CHN2: variants seen among roughly 807,000 people sequenced by gnomAD.
The protein encoded by CHN2 is chimerin 2.
Under a neutral mutation model 56.3 loss-of-function variants are expected in CHN2, and 35 were observed. The ratio of observed to expected loss-of-function variants is 0.62; its 90% CI spans 0.47 to 0.82. The LOEUF (loss-of-function observed/expected upper bound fraction) is 0.82, where lower values mean the gene tolerates loss of function less well. CHN2 is among the 40% of genes least tolerant of loss of function. CHN2 has a pLI of 0.00. For missense variants in CHN2, 491 were observed against 580.5 expected, an observed-to-expected ratio of 0.85 and a Z score of 1.58; for synonymous variants, 210 against 212.8, an observed-to-expected ratio of 0.99 and a Z score of 0.12.
At chr7:29,473,354 G>C (rs940406347) in intron 6 of CHN2, among the ~76,000 whole-genome samples, 2 of 152,050 alleles carry the variant, frequency 1.3e-5, no homozygotes, top group African/African-American at 4.8e-5. Context: ...TCAATTCTAA[G>C]AGCACATTAC....
chr7:29,227,560 C>T (rs767916531), intron 1 of CHN2, among the ~76,000 whole-genome samples: 2 of 152,130 alleles, frequency 1.3e-5, no homozygotes, highest in African/African-American at 2.4e-5. Context: ...GGGAAGATGA[C>T]CTCATTGGAA....
At chr7:29,427,552 C>T (rs534970685) in intron 6 of CHN2, among the ~76,000 whole-genome samples, 2 of 152,212 alleles carry the variant, frequency 1.3e-5, no homozygotes, top group East Asian at 3.9e-4. Context: ...TCTTTGGTAA[C>T]TGCATTTCTC....
chr7:29,156,684 G>C (rs1268826810), intron 2 of CHN2, among the ~76,000 whole-genome samples: 1 of 152,108 alleles, frequency 6.6e-6, no homozygotes, highest in African/African-American at 2.4e-5. Flanking sequence ...TTTTGACCAA[G>C]GAGCTTTATG....
chr7:29,487,503 T>A (rs1362011981), intron 7 of CHN2, among the ~76,000 whole-genome samples: 1 of 152,174 alleles, frequency 6.6e-6, no homozygotes, highest in Admixed American at 6.5e-5. Flanking sequence ...TCAAGTAATA[T>A]AACCCCTGGA....
intron 6 of CHN2, among the ~76,000 whole-genome samples, chr7:29,456,237 CT>C (rs1354124348): frequency 1.3e-5 from 2 of 152,202 alleles, no homozygotes; most frequent in South Asian, 2.1e-4. Context: ...CACCCTGCCC[CT>C]GGAACACTTT....
intron 2 of CHN2, among the ~76,000 whole-genome samples, chr7:29,183,813 C>A (rs982383861): frequency 6.6e-6 from 1 of 152,066 alleles, no homozygotes; most frequent in Non-Finnish European, 1.5e-5. Context: ...CATATGCAGT[C>A]AGCTCTCTAT....
At position 29,500,015 on chromosome 7, in the gene CHN2, A is replaced by G. The variant is rs1347133527; in HGVS notation, c.888A>G (p.Ile296Met). 6.4e-7 allele frequency: 1 copy of G among 1,559,156 alleles called. No individual in the cohort carries two copies. The highest frequency in any genetic ancestry group is 2.3e-5 in the East Asian group (1 of 43,770). Residue 296 changes from isoleucine to methionine, a missense_variant, in exon 9 of 13, where the codon ATA becomes ATG. By Grantham distance (10) the Ile-to-Met change is conservative (BLOSUM62 1). Transcript: ENST00000222792. ...HNTQRPMVVD[I>M]CIREIEARGL... The stretch of plus-strand genomic sequence containing the variant: ...CTCAGAGACCCATGGTGGTAGACAT[A>G]TGCATTCGGGAAATTGAAGCAAGAG...
chr7:29,206,290 T>A (rs769301687), intron 1 of CHN2, among the ~76,000 whole-genome samples: 1 of 151,974 alleles, frequency 6.6e-6, no homozygotes, highest in Non-Finnish European at 1.5e-5. Flanking sequence ...AGAAAAAAAT[T>A]TTTTTCCCCC....
chr7:29,212,560 G>T, intron 1 of CHN2: 1 of 1,457,260 alleles, frequency 6.9e-7, no homozygotes. Flanking sequence ...CCCCAAAAAA[G>T]GGAGACGAGG....
chr7:29,305,144 G>A (rs1794040542), intron 1 of CHN2, among the ~76,000 whole-genome samples: 1 of 152,186 alleles, frequency 6.6e-6, no homozygotes. Context: ...TGCCTGCACA[G>A]AGGATACGAC....
At chr7:29,152,291 G>C (rs1032958063) in intron 2 of CHN2, among the ~76,000 whole-genome samples, 1 of 152,126 alleles carries the variant, frequency 6.6e-6, no homozygotes, top group African/African-American at 2.4e-5. Context: ...CTTCTTGCTG[G>C]GTTAACTGCT....
At chr7:29,218,283 G>C (rs1357470244) in intron 1 of CHN2, among the ~76,000 whole-genome samples, 1 of 151,026 alleles carries the variant, frequency 6.6e-6, no homozygotes, top group Admixed American at 6.6e-5. Flanking sequence ...GCCTCGTGAA[G>C]GTAGGCATGT....
intron 4 of CHN2, among the ~76,000 whole-genome samples, chr7:29,396,214 G>A (rs1019744551): frequency 3.9e-5 from 6 of 151,996 alleles, no homozygotes; most frequent in African/African-American, 1.2e-4. Context: ...AGACCGAGGC[G>A]GGTTGATCGC....
intron 2 of CHN2, among the ~76,000 whole-genome samples, chr7:29,178,538 G>C (rs1797656727): frequency 1.3e-5 from 2 of 152,100 alleles, no homozygotes; most frequent in African/African-American, 4.8e-5. Flanking sequence ...CATCCTCCGA[G>C]AGACGTTGCC....
intron 1 of CHN2, among the ~76,000 whole-genome samples, chr7:29,233,460 C>T (rs1786877685): frequency 1.3e-5 from 2 of 152,276 alleles, no homozygotes; most frequent in South Asian, 4.1e-4. Flanking sequence ...GAAAAATGCA[C>T]TCCCACCCAA....
intron 1 of CHN2, among the ~76,000 whole-genome samples, chr7:29,292,323 CA>C (rs1792701469): frequency 6.6e-6 from 1 of 152,158 alleles, no homozygotes. Flanking sequence ...CCTTTCAATC[CA>C]TTTACCAAAA....
chr7:29,197,764 C>T lies in CHN2; in HGVS notation c.49+2774C>T, dbSNP rs73684615. On this transcript the variant is annotated intron_variant, in intron 1 of 12. Transcript: ENST00000222792. ...TCCTTTTCCCTTATCCTCCAGCAGC[C>T]GAGACAAACATGCAAACAGCAACCT... 9.1e-3 allele frequency among the ~76,000 whole-genome samples: 1,388 copies of T among 152,156 alleles called. 23 individuals carry two copies. The highest frequency in any genetic ancestry group is 0.032 in the African/African-American group (1,334 of 41,494).
At chr7:29,268,234 C>T (rs1449756797) in intron 1 of CHN2, among the ~76,000 whole-genome samples, 2 of 143,256 alleles carry the variant, frequency 1.4e-5, no homozygotes, top group Non-Finnish European at 3.0e-5. Context: ...AGTTTATCAG[C>T]CATTTCTAAT....
chr7:29,324,235 G>A (rs193122548), intron 1 of CHN2, among the ~76,000 whole-genome samples: 7 of 152,184 alleles, frequency 4.6e-5, no homozygotes, highest in South Asian at 2.1e-4. Flanking sequence ...TTGAAGTTGC[G>A]TATCTTACAA....
Sources: allele counts gnomAD v4.1 joint callset (sites outside exome capture counted in the v4.1 genomes callset), GRCh38; gene constraint gnomAD v4.1.1; transcripts MANE v1.5; gene names NCBI Gene and HGNC (gene_info 2026-07-23, HGNC 2026-07-21).